Variants in LTBP2 observed in about 807,000 individuals in gnomAD.
LTBP2 encodes latent transforming growth factor beta binding protein 2.
In LTBP2, 103 loss-of-function variants were observed where a neutral mutation model predicts 210.6. The observed-to-expected ratio is 0.49, with a 90% CI of 0.42 to 0.58. The LOEUF (loss-of-function observed/expected upper bound fraction) is 0.58. Among genes scored for constraint, LTBP2 ranks in the 20% least tolerant of loss-of-function variants. The pLI, the probability that LTBP2 is intolerant of heterozygous loss-of-function variation, is 0.00. For synonymous variants in LTBP2, 1,007 were observed against 1,015.0 expected (o/e 0.99, Z 0.15); for missense variants, 2,313 against 2,494.5 (o/e 0.93, Z 1.55).
intron 3 of LTBP2, among the ~76,000 whole-genome samples, chr14:74,561,747 G>C (rs1019135457): frequency 5.9e-5 from 9 of 152,148 alleles, no homozygotes; most frequent in African/African-American, 2.2e-4. Flanking sequence ...GAAAAAGCAT[G>C]GTGAATGTGT....
rs1320012045 is a variant in LTBP2, at chr14:74,551,175, G to A, written c.1575C>T (p.Asp525=). The stretch of plus-strand genomic sequence containing the variant: ...CAGACCGAGCAGGGATGTTGTTGCT[G>A]TCCCAGAGGCTGTGGCCAGGGCTGG... ...LPASPGHSLW[D]SNNIPARSGE... is the part of the protein sequence containing the mutation. The change falls in exon 7 of 36, where the codon GAC becomes GAT. Residue 525 remains aspartate, a synonymous_variant. Transcript: ENST00000261978. 5 of 1,613,830 alleles carry A rather than the reference G, an allele frequency of 3.1e-6. No homozygotes were observed. Among genetic ancestry groups the A allele is most frequent in the Non-Finnish European group, 4.2e-6 (5 of 1,180,020 alleles).
At chr14:74,504,594 C>T (rs190789387) in intron 30 of LTBP2, among the ~76,000 whole-genome samples, 184 bp downstream of exon 30, 191 of 152,324 alleles carry the variant, frequency 1.3e-3, no homozygotes, top group African/African-American at 4.4e-3. Flanking sequence ...TGTGGACACT[C>T]CAAGAGCAGC....
chr14:74,517,083 G>T, intron 17 of LTBP2, 142 bp from the exon 18 acceptor site: 1 of 1,071,928 alleles, frequency 9.3e-7, no homozygotes, highest in Non-Finnish European at 1.4e-6. Flanking sequence ...GCTGGCTGCA[G>T]CCACAATTGC....
chr14:74,524,858 T>C (rs2087251598), intron 15 of LTBP2, among the ~76,000 whole-genome samples: 1 of 152,210 alleles, frequency 6.6e-6, no homozygotes, highest in Non-Finnish European at 1.5e-5. Flanking sequence ...GACCCCTGGC[T>C]TCCTTCTCCC....
At chr14:74,582,749 C>T (rs1202178567) in intron 3 of LTBP2, among the ~76,000 whole-genome samples, 1 of 152,222 alleles carries the variant, frequency 6.6e-6, no homozygotes, top group African/African-American at 2.4e-5. Context: ...GTAGCATCAG[C>T]ATCCTGTGGG....
chr14:74,541,345 A>G (rs1185958241), intron 8 of LTBP2, among the ~76,000 whole-genome samples: 2 of 152,188 alleles, frequency 1.3e-5, no homozygotes, highest in African/African-American at 2.4e-5. Flanking sequence ...AACAAATAAG[A>G]AGACCAAACA....
Position 74,528,666 on chromosome 14 carries a change from C to G in LTBP2, c.2185G>C (p.Gly729Arg), listed in dbSNP as rs375236313. Residue 729 changes from glycine (G) to arginine (R), a missense_variant, in exon 12 of 36, where the codon GGC becomes CGC. This residue lies in a region of LTBP2 where 1,867 missense variants were observed against 1,976.9 expected (regional missense o/e 0.94). Transcript: ENST00000261978. ...AFREICPAGH[G>R]YTYASSDIRL... ...ATGTCGGAGCTCGCGTAGGTGTAGC[C>G]GTGGCCGGCAGGGCAGATCTCTCTG... is the stretch of plus-strand genomic sequence containing the variant. The G allele has an allele frequency of 8.1e-6, 13 of 1,612,932 alleles. No individual in the cohort carries two copies. In the African/African-American group the frequency reaches 1.7e-4, roughly 22 times the overall value.
intron 4 of LTBP2, among the ~76,000 whole-genome samples, 189 bp downstream of exon 4, chr14:74,555,314 G>A (rs936123075): frequency 6.6e-6 from 1 of 152,122 alleles, no homozygotes; most frequent in African/African-American, 2.4e-5. Context: ...TGAAGTCCAG[G>A]TCCACCGGTT....
chr14:74,546,090 C>T (rs2087572000), intron 8 of LTBP2, among the ~76,000 whole-genome samples: 1 of 152,188 alleles, frequency 6.6e-6, no homozygotes, highest in Admixed American at 6.5e-5. Context: ...TGAAGGGAAG[C>T]CATGAAGCCA....
chr14:74,523,595 T>C (rs2087235828), intron 15 of LTBP2, among the ~76,000 whole-genome samples: 1 of 151,890 alleles, frequency 6.6e-6, no homozygotes, highest in Non-Finnish European at 1.5e-5. Context: ...AGGTACAGAA[T>C]TGAGAAATAG....
rs1295709945 is a variant in LTBP2, at chr14:74,499,933, G to A, written c.*951C>T. On this transcript the variant is annotated 3_prime_UTR_variant, in exon 36 of 36. Coordinates refer to ENST00000261978, the MANE Select transcript of LTBP2 (RefSeq NM_000428.3). ...TGGAAATCTGGCTGCTTCTGAACAAGACCACACTGGAAAATAGACTTTTTA... is the reference window on the plus strand; with the variant it reads ...TGGAAATCTGGCTGCTTCTGAACAAAACCACACTGGAAAATAGACTTTTTA... The A allele has an allele frequency of 1.3e-5, 3 of 230,666 alleles. No homozygotes were observed. In the Admixed American group the frequency reaches 1.7e-4, roughly 13 times the overall value. The allele number at this position is 230,666 out of a possible 1,614,324, so 14.3% of individuals were successfully genotyped here.
In LTBP2 at chr14:74,535,067, C is replaced by T. The variant is rs560382473; in HGVS notation, c.1864+859G>A. Among the ~76,000 whole-genome samples the T allele has an allele frequency of 2.0e-5, 3 of 152,184 alleles. No individual in the cohort carries two copies. In the East Asian group the frequency reaches 5.8e-4, roughly 30 times the overall value. On this transcript the variant is annotated intron_variant, in intron 9 of 35. Transcript: ENST00000261978. Reference sequence around the variant, plus strand: ...TCCCTACATCCACTGTCTGCTTGGCCCTCAAACCACTGGCTCCTGAGGGAG... The same window carrying T: ...TCCCTACATCCACTGTCTGCTTGGCTCTCAAACCACTGGCTCCTGAGGGAG...
chr14:74,500,929 T>TC lies in LTBP2; in HGVS notation c.5420dup (p.Tyr1808IlefsTer4), dbSNP rs1221275018. The TC allele has an allele frequency of 1.9e-6, 3 of 1,613,976 alleles. No individual in the cohort carries two copies. Among genetic ancestry groups the TC allele is most frequent in the Non-Finnish European group, 2.5e-6 (3 of 1,180,004 alleles). On this transcript the variant is annotated frameshift_variant, in exon 36 of 36. Transcript: ENST00000261978. LOFTEE classifies it high-confidence loss of function. ...GGGGGGGCCCTGCCTCAGCCACATA[T>TC]CCCGGGGAGCAGTGGCAGCGGTAGG...
chr14:74,524,477 G>A (rs556324400), intron 15 of LTBP2, among the ~76,000 whole-genome samples: 3 of 152,142 alleles, frequency 2.0e-5, no homozygotes, highest in South Asian at 2.1e-4. Context: ...CCCCAGGAGC[G>A]GGCACACACG....
intron 3 of LTBP2, among the ~76,000 whole-genome samples, chr14:74,558,495 G>A (rs779200177): frequency 1.3e-4 from 20 of 152,220 alleles, no homozygotes; most frequent in Non-Finnish European, 2.1e-4. Flanking sequence ...TGGGAGCCTC[G>A]TCCTGGGTAC....
At chr14:74,581,839 G>C (rs2088140384) in intron 3 of LTBP2, among the ~76,000 whole-genome samples, 1 of 152,020 alleles carries the variant, frequency 6.6e-6, no homozygotes, top group African/African-American at 2.4e-5. Context: ...TAAAGAGGTG[G>C]GGTGTGCAGA....
chr14:74,546,032 C>T (rs960181767), intron 8 of LTBP2, among the ~76,000 whole-genome samples: 1 of 152,176 alleles, frequency 6.6e-6, no homozygotes, highest in Admixed American at 6.5e-5. Context: ...CATTCTGTTG[C>T]GACCTTCTTC....
chr14:74,543,153 C>T (rs1030039503), intron 8 of LTBP2, among the ~76,000 whole-genome samples: 1 of 151,736 alleles, frequency 6.6e-6, no homozygotes, highest in Admixed American at 6.6e-5. Context: ...CCAAGGCAGG[C>T]AGATCACGAG....
At chr14:74,503,679 G>A (rs1294920156) in intron 31 of LTBP2, 73 bp from the exon 32 acceptor site, 149 of 1,585,870 alleles carry the variant, frequency 9.4e-5, no homozygotes, top group Non-Finnish European at 1.2e-4. Context: ...AAGGGTGTTT[G>A]CCTATCACTG....
Sources: allele counts gnomAD v4.1 joint callset (sites outside exome capture counted in the v4.1 genomes callset), GRCh38; gene constraint gnomAD v4.1.1; regional missense constraint gnomAD v4.1.1; transcripts MANE v1.5; gene names NCBI Gene and HGNC (gene_info 2026-07-23, HGNC 2026-07-21).